Variants in CSRNP3 observed in about 807,000 individuals in gnomAD.
CSRNP3 encodes the protein cysteine and serine rich nuclear protein 3, also known as cysteine/serine-rich nuclear protein 3.
Under a neutral mutation model 48.0 loss-of-function variants are expected in CSRNP3, and 12 were observed. That is an observed-to-expected ratio of 0.25 (90% CI 0.16 to 0.41). The LOEUF is 0.41. Ranked by LOEUF, CSRNP3 falls within the 10% of genes least tolerant of loss-of-function variation. CSRNP3 has a pLI of 1.00. For synonymous variants in CSRNP3, 263 were observed against 269.7 expected, an observed-to-expected ratio of 0.98 and a Z score of 0.24; for missense variants, 580 against 724.4, an observed-to-expected ratio of 0.80 and a Z score of 2.29.
rs565958127 is a variant in CSRNP3 at position 165,670,950 on chromosome 2, T to C, written c.409-5362T>C. ...CAGGAGAAATGATTCAAGTCCCAGA[T>C]TGGCAGTATCTACTTGAGAAGAGAG... On this transcript the variant is annotated intron_variant, in intron 5 of 6. Transcript: ENST00000651982. Among the ~76,000 whole-genome samples the C allele has an allele frequency of 3.9e-4, 59 of 152,268 alleles. 1 individual carries two copies. In the South Asian group the frequency reaches 0.01, roughly 26 times the overall value.
intron 3 of CSRNP3, among the ~76,000 whole-genome samples, chr2:165,561,591 C>T (rs762326277): frequency 1.3e-5 from 2 of 152,110 alleles, no homozygotes; most frequent in African/African-American, 4.8e-5. Context: ...GCAAATATTA[C>T]ATTTACTCCC....
chr2:165,597,461 A>G (rs897732590), intron 4 of CSRNP3, among the ~76,000 whole-genome samples: 1 of 152,200 alleles, frequency 6.6e-6, no homozygotes, highest in Non-Finnish European at 1.5e-5. Flanking sequence ...GTCTCACAAC[A>G]TATGCCAAAA....
At chr2:165,529,130 T>A (rs1166847184) in intron 3 of CSRNP3, among the ~76,000 whole-genome samples, 1 of 152,174 alleles carries the variant, frequency 6.6e-6, no homozygotes, top group Non-Finnish European at 1.5e-5. Context: ...GCCTGCAAAC[T>A]AAAATCAGAA....
intron 2 of CSRNP3, among the ~76,000 whole-genome samples, chr2:165,496,267 C>A (rs767743791): frequency 2.0e-5 from 3 of 152,002 alleles, no homozygotes; most frequent in Non-Finnish European, 4.4e-5. Context: ...GGATATGATT[C>A]TCCAGTTACG....
At chr2:165,505,963 A>G (rs1684420284) in intron 2 of CSRNP3, among the ~76,000 whole-genome samples, 1 of 152,180 alleles carries the variant, frequency 6.6e-6, no homozygotes. Context: ...TCTTAGATAA[A>G]ACAGAGATAT....
At chr2:165,652,078 C>T (rs1301749387) in intron 4 of CSRNP3, among the ~76,000 whole-genome samples, 2 of 152,192 alleles carry the variant, frequency 1.3e-5, no homozygotes, top group Non-Finnish European at 2.9e-5. Flanking sequence ...TTTACAGTAA[C>T]ACCAATATGG....
At chr2:165,586,806 A>T (rs545395903) in intron 3 of CSRNP3, among the ~76,000 whole-genome samples, 1 of 152,212 alleles carries the variant, frequency 6.6e-6, no homozygotes, top group African/African-American at 2.4e-5. Context: ...AGTAAAATAA[A>T]CAAGATTTCA....
At position 165,583,542 on chromosome 2, in the gene CSRNP3, ATC is replaced by A. The variant is rs754951962; in HGVS notation, c.-23-11495_-23-11494del. ...CTAAGAAACTTTGACAAAGTAGTTA[ATC>A]TCTCTGCAACTTGGTTTCTTTAACT... On this transcript the variant is annotated intron_variant, in intron 3 of 6. Coordinates refer to ENST00000651982, the MANE Select transcript of CSRNP3 (RefSeq NM_001172173.2). Among the ~76,000 whole-genome samples the A allele has an allele frequency of 1.2e-3, 188 of 152,352 alleles. 1 individual carries two copies. Among genetic ancestry groups the A allele is most frequent in the Non-Finnish European group, 1.9e-4 (13 of 68,038 alleles).
intron 4 of CSRNP3, among the ~76,000 whole-genome samples, chr2:165,633,606 A>G (rs751850743): frequency 6.6e-6 from 1 of 152,172 alleles, no homozygotes; most frequent in African/African-American, 2.4e-5. Flanking sequence ...GCACAGAACA[A>G]AATCCAGTCC....
At position 165,577,272 on chromosome 2, in the gene CSRNP3, CTTT is replaced by C. The variant is rs1558939045; in HGVS notation, c.-23-17768_-23-17766del. On this transcript the variant is annotated intron_variant, in intron 3 of 6. Transcript: ENST00000651982. ...TTTTAAAAGAAAACAAAACAATTGT[CTTT>C]TTATTGCCTATTCTAGAATTTACAT... 4.0e-5 allele frequency among the ~76,000 whole-genome samples: 6 copies of C among 151,816 alleles called. 1 individual carries two copies. The South Asian group carries it at 1.2e-3, about 31-fold the overall frequency.
chr2:165,512,096 A>C (rs1352296371), intron 2 of CSRNP3, among the ~76,000 whole-genome samples: 2 of 152,148 alleles, frequency 1.3e-5, no homozygotes, highest in Non-Finnish European at 2.9e-5. Flanking sequence ...GGTCAAGAAA[A>C]TTTTTTATTA....
intron 3 of CSRNP3, among the ~76,000 whole-genome samples, chr2:165,520,779 TATATTA>T (rs1684643702): frequency 2.1e-4 from 2 of 9,372 alleles, no homozygotes; most frequent in Admixed American, 3.2e-3. Context: ...ATTATATATA[TATATTA>T]TATATATATA....
chr2:165,665,866 GAGAA>G (rs1482693191), intron 5 of CSRNP3, among the ~76,000 whole-genome samples: 6 of 148,274 alleles, frequency 4.0e-5, no homozygotes, highest in Admixed American at 6.7e-5. Flanking sequence ...GAAAGAGAGA[GAGAA>G]AGAAAGAGAG....
At chr2:165,665,793 G>GAGAGAGAGAT (rs1687172226) in intron 5 of CSRNP3, among the ~76,000 whole-genome samples, 1 of 149,718 alleles carries the variant, frequency 6.7e-6, no homozygotes, top group Non-Finnish European at 1.5e-5. Context: ...GAGAGAGAGA[G>GAGAGAGAGAT]AGAGAGAGAA....
intron 3 of CSRNP3, among the ~76,000 whole-genome samples, chr2:165,560,014 T>A (rs554520314): frequency 3.7e-4 from 57 of 152,168 alleles, no homozygotes; most frequent in African/African-American, 1.2e-3. Context: ...TTAGCCAGGA[T>A]GGTCTCGATC....
chr2:165,667,964 T>C (rs2105356443), intron 5 of CSRNP3, among the ~76,000 whole-genome samples: 1 of 152,358 alleles, frequency 6.6e-6, no homozygotes, highest in South Asian at 2.1e-4. Context: ...TTAAGAATAT[T>C]CACTTATTCA....
Position 165,687,317 on chromosome 2 carries a change from T to C in CSRNP3, c.*7564T>C, listed in dbSNP as rs948377882. ...GGCTGTACTAGGTTTTCATTTTTGC[T>C]GTTGTTGTTGTTTGTTTTTGTGATT... On this transcript the variant is annotated 3_prime_UTR_variant, in exon 7 of 7. Transcript: ENST00000651982. 1 of 151,620 alleles carries C rather than the reference T, an allele frequency of 6.6e-6. No individual in the cohort carries two copies. Among genetic ancestry groups the C allele is most frequent in the Admixed American group, 6.6e-5 (1 of 15,210 alleles). The allele number at this position is 151,620 out of a possible 1,614,324, so 9.4% of individuals were successfully genotyped here.
intron 4 of CSRNP3, among the ~76,000 whole-genome samples, chr2:165,645,330 G>C (rs1686793213): frequency 6.6e-6 from 1 of 151,530 alleles, no homozygotes; most frequent in African/African-American, 2.4e-5. Context: ...TGAGACTCTG[G>C]TCTCAAAAAA....
chr2:165,546,109 C>T (rs1384284920), intron 3 of CSRNP3, among the ~76,000 whole-genome samples: 2 of 152,156 alleles, frequency 1.3e-5, no homozygotes, highest in African/African-American at 4.8e-5. Context: ...AAGACCTGGA[C>T]TGCAGCTAGG....
Sources: gnomAD v4.1 joint callset for allele counts (sites outside exome capture counted in the v4.1 genomes callset) on GRCh38, gnomAD v4.1.1 for gene constraint, MANE v1.5 for transcripts, NCBI Gene and HGNC (gene_info 2026-07-23, HGNC 2026-07-21) for gene names.